Variants in MAP3K3 observed in about 807,000 individuals in gnomAD.
MAP3K3 encodes the protein MAP/ERK kinase kinase 3.
Under a neutral mutation model 80.9 loss-of-function variants are expected in MAP3K3, and 12 were observed. The observed-to-expected ratio is 0.15, with a 90% CI of 0.10 to 0.24. MAP3K3 has a LOEUF of 0.24. Among genes scored for constraint, MAP3K3 ranks in the 10% least tolerant of loss-of-function variants. The probability of loss-of-function intolerance (pLI) is 1.00; values close to 1 mark genes in which losing one functional copy is unlikely to be tolerated. For missense variants in MAP3K3, 596 were observed against 834.7 expected (o/e 0.71, Z 3.52); for synonymous variants, 272 against 307.1 (o/e 0.89, Z 1.19).
rs181499006 is a variant in MAP3K3 at position 63,694,175 on chromosome 17, T to C, written c.*398T>C. The C allele has an allele frequency of 6.2e-5, 10 of 162,502 alleles. No homozygotes were observed. The highest frequency in any genetic ancestry group is 1.8e-4 in the South Asian group (1 of 5,570). 10.1% of individuals were successfully genotyped at this position (162,502 alleles called of 1,614,324 possible). On this transcript the variant is annotated 3_prime_UTR_variant, in exon 16 of 16. Transcript: ENST00000361733. ...AGTGTTATTTTCATTCAAAGTGTTA[T>C]TTTGTTTTTCCTTCCAATGTCTGGA...
At chr17:63,688,200 T>G in intron 8 of MAP3K3, 1 of 386,690 alleles carries the variant, frequency 2.6e-6, no homozygotes, top group South Asian at 3.1e-5. Context: ...TTTTTATTAC[T>G]GCCCTGGGCA....
chr17:63,686,444 G>C (rs1050675815), intron 8 of MAP3K3, among the ~76,000 whole-genome samples: 10 of 152,188 alleles, frequency 6.6e-5, no homozygotes, highest in African/African-American at 2.4e-4. Flanking sequence ...TTCCAACCAG[G>C]GGAGTAAGAA....
Position 63,637,145 on chromosome 17 carries a change from G to A in MAP3K3, c.126+4343G>A, listed in dbSNP as rs187562600. ...AGAGTGTGTGTGCGTGCATGCGCAC[G>A]TGTGCAAGTGTGTGAGGCCCTGCCA... is the stretch of plus-strand genomic sequence containing the variant. On this transcript the variant is annotated intron_variant, in intron 2 of 15. Coordinates refer to ENST00000361733, the MANE Select transcript of MAP3K3 (RefSeq NM_002401.5). 7.6e-5 allele frequency: 22 copies of A among 288,668 alleles called. 1 individual carries two copies. Among genetic ancestry groups the A allele is most frequent in the East Asian group, 5.1e-4 (7 of 13,786 alleles). 17.9% of individuals were successfully genotyped at this position (288,668 alleles called of 1,614,324 possible).
chr17:63,653,747 ATC>A (rs2034705993), intron 4 of MAP3K3, among the ~76,000 whole-genome samples: 2 of 152,202 alleles, frequency 1.3e-5, no homozygotes, highest in South Asian at 4.1e-4. Context: ...TTATTTATTT[ATC>A]TCTTTGTAAT....
At chr17:63,683,187 T>G (rs889565879) in intron 7 of MAP3K3, among the ~76,000 whole-genome samples, 1 of 152,206 alleles carries the variant, frequency 6.6e-6, no homozygotes, top group African/African-American at 2.4e-5. Context: ...AAAAAGCTGA[T>G]TCTTGTAACT....
At chr17:63,647,900 G>A (rs2034571154) in intron 3 of MAP3K3, among the ~76,000 whole-genome samples, 1 of 152,192 alleles carries the variant, frequency 6.6e-6, no homozygotes. Context: ...CAGGAAAGAG[G>A]AAAGAAGTCA....
chr17:63,658,937 T>C (rs1171655177), intron 5 of MAP3K3, among the ~76,000 whole-genome samples: 2 of 152,338 alleles, frequency 1.3e-5, no homozygotes, highest in South Asian at 2.1e-4. Context: ...GGTTTCACCA[T>C]GTTCGTCAGG....
rs183791672 is a variant in MAP3K3, at chr17:63,625,140, C to T, written c.4+2377C>T. ...CCCTGCAGGTTCTTTGGTTAAGTAA[C>T]AGTCACATTTTCCTGAGCTGTTCTA... On this transcript the variant is annotated intron_variant, in intron 1 of 15. Coordinates refer to ENST00000361733, the MANE Select transcript of MAP3K3 (RefSeq NM_002401.5). Among the ~76,000 whole-genome samples, 819 of 152,314 alleles carry T rather than the reference C, an allele frequency of 5.4e-3. 5 individuals are homozygous for T. The highest frequency in any genetic ancestry group is 0.018 in the African/African-American group (748 of 41,562).
intron 4 of MAP3K3, among the ~76,000 whole-genome samples, chr17:63,654,333 T>TTTTTTTTTTTTTTTTTTTGAGACGGA (rs1299210909): frequency 8.0e-5 from 12 of 150,416 alleles, no homozygotes; most frequent in East Asian, 3.9e-4. Flanking sequence ...TGACCTTTTT[T>TTTTTTTTTTTTTTTTTTTGAGACGGA]GTCTGGCTTC....
Position 63,646,208 on chromosome 17 carries a change from A to T in MAP3K3, c.167+134A>T, listed in dbSNP as rs908440045. 168 of 746,042 alleles carry T rather than the reference A, an allele frequency of 2.3e-4. No individual in the cohort carries two copies. In the South Asian group the frequency reaches 2.4e-3, roughly 11 times the overall value. 46.2% of individuals were successfully genotyped at this position (746,042 alleles called of 1,614,324 possible). A position where few individuals can be genotyped will look rare whatever the true frequency, so the allele number is the denominator to read the frequency against. ...CTGGGTAATAGGGTGGATTGGGCAT[A>T]AAGGGAGGAAAGTTTCACCCTTGTC... On this transcript the variant is annotated intron_variant, in intron 3 of 15. Transcript: ENST00000361733.
chr17:63,642,607 G>A (rs901911341), intron 2 of MAP3K3, among the ~76,000 whole-genome samples: 4 of 152,142 alleles, frequency 2.6e-5, no homozygotes, highest in Admixed American at 6.5e-5. Context: ...GCAGTGAGCC[G>A]AGATCGCGCC....
chr17:63,636,154 CTAATT>C (rs2034318960), intron 2 of MAP3K3, among the ~76,000 whole-genome samples: 1 of 152,162 alleles, frequency 6.6e-6, no homozygotes, highest in African/African-American at 2.4e-5. Flanking sequence ...ACTGAAAAAT[CTAATT>C]TAATATCTCT....
rs191951676 is a variant in MAP3K3 at position 63,623,591 on chromosome 17, G to A, written c.4+828G>A. 1.1e-3 allele frequency among the ~76,000 whole-genome samples: 173 copies of A among 152,274 alleles called. 2 individuals are homozygous for A. Among genetic ancestry groups the A allele is most frequent in the Admixed American group, 0.011 (173 of 15,298 alleles). On this transcript the variant is annotated intron_variant, in intron 1 of 15. Coordinates refer to ENST00000361733, the MANE Select transcript of MAP3K3 (RefSeq NM_002401.5). ...TTTCTACTGTGAAGATGTAATCTAAGGAAAGCTTTTAATGTCTTCCGCACG... is the reference window on the plus strand; with the variant it reads ...TTTCTACTGTGAAGATGTAATCTAAAGAAAGCTTTTAATGTCTTCCGCACG...
Position 63,622,644 on chromosome 17 carries a change from GC to G in MAP3K3, c.-110del, listed in dbSNP as rs2034009520. ...GGCGGGGGCCCAGAGCGCAGCCCGC[GC>G]CCCCCGCGCGGAGCCAGGCCCGCTG... On this transcript the variant is annotated 5_prime_UTR_variant, in exon 1 of 16. It removes the in-frame stop codon of an upstream open reading frame in the 5' UTR. Coordinates refer to ENST00000361733, the MANE Select transcript of MAP3K3 (RefSeq NM_002401.5). The G allele has an allele frequency of 4.6e-6, 1 of 216,406 alleles. No homozygotes were observed. The highest frequency in any genetic ancestry group is 8.8e-6 in the Non-Finnish European group (1 of 113,106). 13.4% of individuals were successfully genotyped at this position (216,406 alleles called of 1,614,324 possible).
rs1285329927 is a variant in MAP3K3, at chr17:63,622,754, G to C, written c.-6G>C. The C allele has an allele frequency of 3.8e-6, 2 of 527,658 alleles. No homozygotes were observed. 32.7% of individuals were successfully genotyped at this position (527,658 alleles called of 1,614,324 possible). A position where few individuals can be genotyped will look rare whatever the true frequency, so the allele number is the denominator to read the frequency against. On this transcript the variant is annotated 5_prime_UTR_variant, in exon 1 of 16. Coordinates refer to ENST00000361733, the MANE Select transcript of MAP3K3 (RefSeq NM_002401.5). The stretch of plus-strand genomic sequence containing the variant: ...GACCTTAGCCACCGCCGCCGCCATC[G>C]CCACCATGGGTAAGTGTCGCCACCG...
At chr17:63,672,022 TC>T (rs1287201891) in intron 6 of MAP3K3, among the ~76,000 whole-genome samples, 2 of 151,372 alleles carry the variant, frequency 1.3e-5, no homozygotes, top group Non-Finnish European at 2.9e-5. Context: ...GTGGCTCACA[TC>T]TGTAATCCCA....
At chr17:63,623,819 T>G (rs1282714120) in intron 1 of MAP3K3, among the ~76,000 whole-genome samples, 1 of 152,264 alleles carries the variant, frequency 6.6e-6, no homozygotes, top group Non-Finnish European at 1.5e-5. Flanking sequence ...AGAGGATCGT[T>G]TGCAAAACGT....
At position 63,692,159 on chromosome 17, in the gene MAP3K3, G is replaced by T; in HGVS notation, c.1475-83G>T. 1 of 1,507,558 alleles carries T rather than the reference G, an allele frequency of 6.6e-7. No individual in the cohort carries two copies. 93.4% of individuals were successfully genotyped at this position (1,507,558 alleles called of 1,614,324 possible). ...AGTGGTAGCCCTGCCCTCTCCAGCA[G>T]CTCTCAGTGACCCGGGGGTGGGGAG... is the stretch of plus-strand genomic sequence containing the variant. On this transcript the variant is annotated intron_variant, in intron 14 of 15. Coordinates refer to ENST00000361733, the MANE Select transcript of MAP3K3 (RefSeq NM_002401.5). This position sits in a 1 kb window ranked among gnomAD's most constrained non-coding sequence, Gnocchi z 4.5.
At chr17:63,659,729 C>T (rs914371525) in intron 5 of MAP3K3, among the ~76,000 whole-genome samples, 1 of 151,874 alleles carries the variant, frequency 6.6e-6, no homozygotes, top group Non-Finnish European at 1.5e-5. Flanking sequence ...GAAGGGGTTT[C>T]ACCATGTTGG....
Sources: gnomAD v4.1 joint callset for allele counts (sites outside exome capture counted in the v4.1 genomes callset) on GRCh38, gnomAD v4.1.1 for gene constraint, Gnocchi (gnomAD v3.1) non-coding constraint, MANE v1.5 for transcripts, NCBI Gene and HGNC (gene_info 2026-07-23, HGNC 2026-07-21) for gene names.